The following EVC2 variants were observed in gnomAD, a reference collection of about 807,000 sequenced individuals.
EVC2 encodes EvC ciliary complex subunit 2.
EVC2 carries 148 observed loss-of-function variants against 149.3 expected under a neutral mutation model. The ratio of observed to expected loss-of-function variants is 0.99; its 90% CI spans 0.87 to 1.14. The LOEUF is 1.14. Ranked by LOEUF, EVC2 falls within the 50% of genes most tolerant of loss-of-function variation. The probability of loss-of-function intolerance (pLI) is 0.00; values close to 1 mark genes in which losing one functional copy is unlikely to be tolerated. For missense variants in EVC2, 1,854 were observed against 1,627.3 expected (o/e 1.14, Z -2.40); for synonymous variants, 776 against 649.9 (o/e 1.19, Z -2.95).
At chr4:5,551,974 G>T (rs1028694220) in intron 21 of EVC2, among the ~76,000 whole-genome samples, 10 of 152,150 alleles carry the variant, frequency 6.6e-5, no homozygotes, top group African/African-American at 2.4e-4. Context: ...GGAACTGTAA[G>T]TCCATAAAAC....
At position 5,703,679 on chromosome 4, in the gene EVC2, T is replaced by C. The variant is rs536471823; in HGVS notation, c.228+4607A>G. 6.6e-5 allele frequency among the ~76,000 whole-genome samples: 10 copies of C among 152,308 alleles called. No individual in the cohort carries two copies. In the East Asian group the frequency reaches 9.6e-4, roughly 15 times the overall value. On this transcript the variant is annotated intron_variant, in intron 1 of 21. Transcript: ENST00000344408. ...GTGCTATTTTGAAAATGAGGATACG[T>C]TGACAAACGAGACATCAAAAGTTCT...
chr4:5,552,936 C>G (rs552668528), intron 21 of EVC2, among the ~76,000 whole-genome samples: 4 of 152,326 alleles, frequency 2.6e-5, no homozygotes, highest in African/African-American at 9.6e-5. Flanking sequence ...TAGTTCCAAG[C>G]AATTCCCAAA....
Position 5,608,263 on chromosome 4 carries a change from C to G in EVC2, c.2829+7159G>C, listed in dbSNP as rs116135197. ...CTCCCAGTCCCAGCATACTCTGCAG[C>G]CCAACGGTGAATTCAAAGTCCCTCT... On this transcript the variant is annotated intron_variant, in intron 16 of 21. Transcript: ENST00000344408. Among the ~76,000 whole-genome samples the G allele has an allele frequency of 8.3e-3, 1,259 of 152,318 alleles. 19 individuals are homozygous for G. The highest frequency in any genetic ancestry group is 0.028 in the African/African-American group (1,181 of 41,568).
At position 5,614,183 on chromosome 4, in the gene EVC2, C is replaced by T. The variant is rs1715058917; in HGVS notation, c.2829+1239G>A. Among the ~76,000 whole-genome samples, 1 of 152,212 alleles carries T rather than the reference C, an allele frequency of 6.6e-6. No individual in the cohort carries two copies. Among genetic ancestry groups the T allele is most frequent in the South Asian group, 2.1e-4 (1 of 4,828 alleles). On this transcript the variant is annotated intron_variant, in intron 16 of 21. Coordinates refer to ENST00000344408, the MANE Select transcript of EVC2 (RefSeq NM_147127.5). The surrounding 1 kb of genome is among the most constrained non-coding windows in gnomAD (Gnocchi z 4.7). The stretch of plus-strand genomic sequence containing the variant: ...CTTTGCAGAGGAGACCCTGCCTCCT[C>T]TCCTACCTACAGTCCACCCTGCTGC...
chr4:5,693,989 A>C (rs754361218), intron 3 of EVC2, among the ~76,000 whole-genome samples: 14 of 152,222 alleles, frequency 9.2e-5, no homozygotes, highest in Admixed American at 5.9e-4. Context: ...ACCCATAGTA[A>C]ATGCTTGTGA....
downstream of EVC2, among the ~76,000 whole-genome samples, chr4:5,539,750 T>A (rs1256447615): frequency 6.6e-6 from 1 of 150,500 alleles, no homozygotes; most frequent in African/African-American, 2.5e-5. Flanking sequence ...GAACTTTGAT[T>A]CATAGCTTGC....
In EVC2 at chr4:5,679,443, G is replaced by A. The variant is rs1720202131; in HGVS notation, c.870+1817C>T. Among the ~76,000 whole-genome samples the A allele has an allele frequency of 6.6e-6, 1 of 151,868 alleles. No individual in the cohort carries two copies. Among genetic ancestry groups the A allele is most frequent in the Non-Finnish European group, 1.5e-5 (1 of 67,978 alleles). On this transcript the variant is annotated intron_variant, in intron 7 of 21. Transcript: ENST00000344408. This position sits in a 1 kb window ranked among gnomAD's most constrained non-coding sequence, Gnocchi z 5.1. Reference sequence around the variant, plus strand: ...TAGTAAAGACCGGTTTAGCCATGTTGGCCAGGCTGATCTTGAACTCCTGGC... The same window carrying A: ...TAGTAAAGACCGGTTTAGCCATGTTAGCCAGGCTGATCTTGAACTCCTGGC...
chr4:5,605,795 A>C (rs985131293), intron 16 of EVC2, among the ~76,000 whole-genome samples: 7 of 152,170 alleles, frequency 4.6e-5, no homozygotes, highest in Non-Finnish European at 7.4e-5. Flanking sequence ...ATGTCCCTGC[A>C]CCGAGTGGAC....
chr4:5,581,251 C>A (rs1417032119), intron 17 of EVC2, among the ~76,000 whole-genome samples: 2 of 152,156 alleles, frequency 1.3e-5, no homozygotes, highest in African/African-American at 4.8e-5. Context: ...GTGAAAGCAG[C>A]CTTGGAATTC....
At chr4:5,603,917 C>A (rs1012110822) in intron 16 of EVC2, among the ~76,000 whole-genome samples, 2 of 152,206 alleles carry the variant, frequency 1.3e-5, no homozygotes, top group Admixed American at 6.5e-5. Flanking sequence ...CAAAGAGGAA[C>A]TGAAATGTCC....
intron 13 of EVC2, 149 bp from the exon 14 acceptor site, chr4:5,623,140 C>T (rs1715846419): frequency 2.3e-6 from 2 of 861,584 alleles, no homozygotes; most frequent in Non-Finnish European, 3.5e-6. Context: ...TTTTTGTTTG[C>T]TTGTTTGTTT....
chr4:5,691,876 C>G (rs1008304197), intron 3 of EVC2, among the ~76,000 whole-genome samples: 3 of 152,256 alleles, frequency 2.0e-5, no homozygotes, highest in African/African-American at 7.2e-5. Flanking sequence ...GCTCATCCAT[C>G]AAACACAAGC....
intron 16 of EVC2, among the ~76,000 whole-genome samples, chr4:5,588,540 C>A (rs114056773): frequency 6.6e-6 from 1 of 152,054 alleles, no homozygotes; most frequent in Non-Finnish European, 1.5e-5. Flanking sequence ...CACATTAGGC[C>A]GCCTGAAGTT....
chr4:5,650,170 G>A (rs1718005603), intron 9 of EVC2, among the ~76,000 whole-genome samples: 1 of 152,130 alleles, frequency 6.6e-6, no homozygotes, highest in Non-Finnish European at 1.5e-5. Context: ...CAAAGATGCA[G>A]ACAGATGCCA....
chr4:5,611,870 G>A (rs369805582), intron 16 of EVC2, among the ~76,000 whole-genome samples: 18 of 152,214 alleles, frequency 1.2e-4, no homozygotes, highest in Admixed American at 3.9e-4. Context: ...TAACCTAAGC[G>A]GCTGAACTTT....
At chr4:5,662,993 G>C in intron 9 of EVC2, 114 bp downstream of exon 9, 2 of 1,400,848 alleles carry the variant, frequency 1.4e-6, no homozygotes, top group East Asian at 2.3e-5. Context: ...TATGACTACA[G>C]AGTGACAAAT....
At position 5,584,584 on chromosome 4, in the gene EVC2, C is replaced by A. The variant is rs372370911; in HGVS notation, c.3057+39G>T. 4 of 1,592,596 alleles carry A rather than the reference C, an allele frequency of 2.5e-6. No individual in the cohort carries two copies. In the African/African-American group the frequency reaches 5.4e-5, roughly 21 times the overall value. ...TGCAGAGGTAGGTACCAGAAAGACC[C>A]AGCTCTGTCCCCCTCTCCTTCCCAG... On this transcript the variant is annotated intron_variant, in intron 17 of 21. Transcript: ENST00000344408.
chr4:5,597,991 C>T (rs1431116538), intron 16 of EVC2, among the ~76,000 whole-genome samples: 1 of 119,558 alleles, frequency 8.4e-6, no homozygotes, highest in Non-Finnish European at 1.7e-5. Flanking sequence ...GAATAAAATA[C>T]CTAGGAATCC....
chr4:5,641,653 G>T (rs553600335), intron 9 of EVC2, among the ~76,000 whole-genome samples: 2 of 151,936 alleles, frequency 1.3e-5, no homozygotes, highest in African/African-American at 4.8e-5. Flanking sequence ...AAGCTACATA[G>T]AAAAAAATTA....
Sources: allele counts gnomAD v4.1 joint callset (sites outside exome capture counted in the v4.1 genomes callset), GRCh38; gene constraint gnomAD v4.1.1; non-coding constraint Gnocchi (gnomAD v3.1); transcripts MANE v1.5; gene names NCBI Gene and HGNC (gene_info 2026-07-23, HGNC 2026-07-21).